The following RABGAP1L variants were observed in gnomAD, a reference collection of about 807,000 sequenced individuals.
RABGAP1L encodes the protein rab GTPase-activating protein 1-like.
RABGAP1L carries 63 observed loss-of-function variants against 137.7 expected under a neutral mutation model. That is an observed-to-expected ratio of 0.46 (90% CI 0.37 to 0.56). RABGAP1L has a LOEUF of 0.56. Ranked by LOEUF, RABGAP1L falls within the 20% of genes least tolerant of loss-of-function variation. The pLI, the probability that RABGAP1L is intolerant of heterozygous loss-of-function variation, is 0.00. For synonymous variants in RABGAP1L, 431 were observed against 433.7 expected, an observed-to-expected ratio of 0.99 and a Z score of 0.08; for missense variants, 1,095 against 1,244.0, an observed-to-expected ratio of 0.88 and a Z score of 1.80.
At chr1:174,323,561 A>G (rs1208379202) in intron 11 of RABGAP1L, among the ~76,000 whole-genome samples, 1 of 152,186 alleles carries the variant, frequency 6.6e-6, no homozygotes, top group Non-Finnish European at 1.5e-5. Flanking sequence ...ATAATTGAAT[A>G]TAATATGAAA....
intron 13 of RABGAP1L, among the ~76,000 whole-genome samples, chr1:174,619,965 CA>C (rs976248947): frequency 1.3e-5 from 2 of 151,702 alleles, no homozygotes; most frequent in African/African-American, 4.8e-5. Flanking sequence ...AAATGGAAAA[CA>C]AAAAAAGGTA....
At chr1:174,508,330 A>G (rs969967832) in intron 13 of RABGAP1L, among the ~76,000 whole-genome samples, 4 of 152,138 alleles carry the variant, frequency 2.6e-5, no homozygotes, top group African/African-American at 9.7e-5. Flanking sequence ...TGTCTCAGAT[A>G]TGGGTTTAGT....
At chr1:174,456,806 T>C (rs560632704) in intron 13 of RABGAP1L, among the ~76,000 whole-genome samples, 100 of 152,324 alleles carry the variant, frequency 6.6e-4, no homozygotes, top group Admixed American at 1.7e-3. Flanking sequence ...GAAAAGTTTA[T>C]TCTCTTAAAT....
At chr1:174,496,961 T>G (rs1660790252) in intron 13 of RABGAP1L, among the ~76,000 whole-genome samples, 1 of 152,118 alleles carries the variant, frequency 6.6e-6, no homozygotes, top group African/African-American at 2.4e-5. Context: ...AGAAATGAAA[T>G]TATATATTTC....
intron 18 of RABGAP1L, among the ~76,000 whole-genome samples, chr1:174,800,973 C>T (rs751648585): frequency 7.2e-5 from 11 of 152,114 alleles, no homozygotes; most frequent in Non-Finnish European, 1.0e-4. Context: ...AATTTTACCA[C>T]CTAAAAATAC....
intron 13 of RABGAP1L, among the ~76,000 whole-genome samples, chr1:174,632,700 C>G (rs1352266109): frequency 6.8e-6 from 1 of 148,118 alleles, no homozygotes; most frequent in African/African-American, 2.5e-5. Context: ...CCTGAGGCTT[C>G]TGCATTCTTC....
chr1:174,866,728 A>T (rs1651312209), intron 19 of RABGAP1L, among the ~76,000 whole-genome samples: 1 of 152,012 alleles, frequency 6.6e-6, no homozygotes, highest in African/African-American at 2.4e-5. Context: ...CCTGGGCAAC[A>T]TGGTGAAACC....
Position 174,607,833 on chromosome 1 carries a change from A to G in RABGAP1L, c.1711-29542A>G, listed in dbSNP as rs1169352163. On this transcript the variant is annotated intron_variant, in intron 13 of 25. Transcript: ENST00000681986. ...GATTTAAGCAAAATGTGTGTTTTAG[A>G]AACCTGTGTAAAAGCTTCTTTGGTT... Among the ~76,000 whole-genome samples the G allele has an allele frequency of 2.0e-5, 3 of 152,222 alleles. No individual in the cohort carries two copies. In the East Asian group the frequency reaches 5.8e-4, roughly 29 times the overall value.
At chr1:174,451,179 T>C (rs1223501705) in intron 13 of RABGAP1L, among the ~76,000 whole-genome samples, 7 of 152,230 alleles carry the variant, frequency 4.6e-5, no homozygotes, top group Non-Finnish European at 8.8e-5. Context: ...TTGGTTTAAA[T>C]GTGCCTTTTA....
intron 13 of RABGAP1L, chr1:174,449,142 A>T (rs1655139453): frequency 6.2e-7 from 1 of 1,612,026 alleles, no homozygotes; most frequent in Non-Finnish European, 8.5e-7. Context: ...TGTGTGAAGG[A>T]TCAGGAAGCA....
intron 1 of RABGAP1L, among the ~76,000 whole-genome samples, chr1:174,195,775 CCTTTCTTTCTTTT>C (rs1385245967): frequency 2.0e-5 from 2 of 102,434 alleles, no homozygotes; most frequent in African/African-American, 7.4e-5. Flanking sequence ...TTCTCTCTTT[CCTTTCTTTCTTTT>C]CTTTCTTTCT....
chr1:174,615,308 C>T (rs947058946), intron 13 of RABGAP1L, among the ~76,000 whole-genome samples: 1 of 152,196 alleles, frequency 6.6e-6, no homozygotes, highest in African/African-American at 2.4e-5. Context: ...GGACCCTCAG[C>T]TGCAGGTCTT....
chr1:174,806,694 C>G (rs971689125), intron 18 of RABGAP1L, among the ~76,000 whole-genome samples: 1 of 152,216 alleles, frequency 6.6e-6, no homozygotes, highest in Non-Finnish European at 1.5e-5. Context: ...TTCTGGAGCC[C>G]TGGTTGACAC....
intron 19 of RABGAP1L, among the ~76,000 whole-genome samples, chr1:174,893,855 C>A (rs1047767271): frequency 3.3e-5 from 5 of 152,178 alleles, no homozygotes; most frequent in African/African-American, 1.2e-4. Flanking sequence ...TGTGACAAAT[C>A]CTTCCCAGAC....
chr1:174,635,845 T>C (rs969906627), intron 13 of RABGAP1L, among the ~76,000 whole-genome samples: 12 of 152,228 alleles, frequency 7.9e-5, no homozygotes, highest in African/African-American at 2.9e-4. Context: ...GTGGCTTACC[T>C]TAGAGCTAAT....
intron 1 of RABGAP1L, among the ~76,000 whole-genome samples, chr1:174,176,562 C>T (rs1665867884): frequency 6.6e-6 from 1 of 150,854 alleles, no homozygotes; most frequent in South Asian, 2.1e-4. Context: ...ATACAAAAAA[C>T]TTAGCCAGGC....
intron 19 of RABGAP1L, among the ~76,000 whole-genome samples, chr1:174,870,519 T>C (rs950502994): frequency 6.6e-6 from 1 of 152,206 alleles, no homozygotes; most frequent in African/African-American, 2.4e-5. Context: ...ATCCTTTAGC[T>C]TGCACACTAG....
At chr1:174,522,403 C>A (rs1307597716) in intron 13 of RABGAP1L, among the ~76,000 whole-genome samples, 1 of 151,916 alleles carries the variant, frequency 6.6e-6, no homozygotes, top group Non-Finnish European at 1.5e-5. Flanking sequence ...ATGGCGAAAC[C>A]CCATCTCTAC....
At chr1:174,187,465 A>G (rs1384955430) in intron 1 of RABGAP1L, among the ~76,000 whole-genome samples, 1 of 152,124 alleles carries the variant, frequency 6.6e-6, no homozygotes, top group Non-Finnish European at 1.5e-5. Context: ...ATTTATATAT[A>G]AAGTGTCAGG....
Sources: allele counts gnomAD v4.1 joint callset (sites outside exome capture counted in the v4.1 genomes callset), GRCh38; gene constraint gnomAD v4.1.1; transcripts MANE v1.5; gene names NCBI Gene and HGNC (gene_info 2026-07-23, HGNC 2026-07-21).